CYP19A1: variants seen among roughly 807,000 people sequenced by gnomAD.
CYP19A1 encodes aromatase.
CYP19A1 carries 32 observed loss-of-function variants against 44.4 expected under a neutral mutation model. The ratio of observed to expected loss-of-function variants is 0.72; its 90% CI spans 0.54 to 0.97. The LOEUF is 0.97. CYP19A1 is among the 50% of genes least tolerant of loss of function. The pLI is 0.00. For synonymous variants in CYP19A1, 212 were observed against 215.6 expected (o/e 0.98, Z 0.14); for missense variants, 598 against 637.8 (o/e 0.94, Z 0.67).
At chr15:51,256,568 G>T (rs1025245411) in intron 1 of CYP19A1, among the ~76,000 whole-genome samples, 1 of 152,164 alleles carries the variant, frequency 6.6e-6, no homozygotes, top group Non-Finnish European at 1.5e-5. Context: ...ATAAAATGCT[G>T]TTAAAATGGC....
chr15:51,216,049 A>T lies in CYP19A1; in HGVS notation c.744-232T>A. On this transcript the variant is annotated intron_variant, in intron 6 of 9. Coordinates refer to ENST00000396402, the MANE Select transcript of CYP19A1 (RefSeq NM_000103.4). ...AAGATTTCTGGATACTGGTAGCGAAATCAAGCCTGTGACTTCTAGTTAAGG... is the reference window on the plus strand; with the variant it reads ...AAGATTTCTGGATACTGGTAGCGAATTCAAGCCTGTGACTTCTAGTTAAGG... 6.5e-6 allele frequency: 5 copies of T among 772,042 alleles called. No homozygotes were observed. The South Asian group carries it at 9.7e-5, about 15-fold the overall frequency. 47.8% of individuals were successfully genotyped at this position (772,042 alleles called of 1,614,324 possible). A position where few individuals can be genotyped will look rare whatever the true frequency, so the allele number is the denominator to read the frequency against.
intron 1 of CYP19A1, among the ~76,000 whole-genome samples, chr15:51,300,052 G>A (rs1027965321): frequency 3.9e-5 from 6 of 152,202 alleles, no homozygotes; most frequent in African/African-American, 1.2e-4. Flanking sequence ...AACGGCAACC[G>A]GTAGGCAGGA....
chr15:51,306,050 G>A (rs1388415709), intron 1 of CYP19A1, among the ~76,000 whole-genome samples: 1 of 152,136 alleles, frequency 6.6e-6, no homozygotes, highest in Non-Finnish European at 1.5e-5. Flanking sequence ...ATATAGTCAA[G>A]CAAAGAAAAC....
At chr15:51,278,324 G>A (rs142527789) in intron 1 of CYP19A1, among the ~76,000 whole-genome samples, 7 of 152,306 alleles carry the variant, frequency 4.6e-5, no homozygotes, top group African/African-American at 1.7e-4. Flanking sequence ...AACTGACCAT[G>A]AGGAGGAGAA....
At chr15:51,259,033 T>C (rs2034619851) in intron 1 of CYP19A1, among the ~76,000 whole-genome samples, 1 of 152,136 alleles carries the variant, frequency 6.6e-6, no homozygotes, top group Non-Finnish European at 1.5e-5. Flanking sequence ...TTTAGGCAAA[T>C]CAGGAAATCT....
At chr15:51,214,917 C>A in intron 8 of CYP19A1, 153 bp downstream of exon 8, 1 of 1,200,718 alleles carries the variant, frequency 8.3e-7, no homozygotes, top group Non-Finnish European at 1.1e-6. Context: ...TTCCGTCTAT[C>A]TGGTGTAATC....
chr15:51,326,688 G>A lies in CYP19A1; in HGVS notation c.-39+11807C>T, dbSNP rs547422526. 1.7e-4 allele frequency among the ~76,000 whole-genome samples: 26 copies of A among 152,280 alleles called. No individual in the cohort carries two copies. The South Asian group carries it at 2.9e-3, about 17-fold the overall frequency. On this transcript the variant is annotated intron_variant, in intron 1 of 9. Transcript: ENST00000396402. The stretch of plus-strand genomic sequence containing the variant: ...TGTTCTTTTTTAAATTCATTGGCCA[G>A]TAACATAGAATTTTGAACCTGGAAG...
chr15:51,258,958 G>A (rs951493228), intron 1 of CYP19A1, among the ~76,000 whole-genome samples: 1 of 152,210 alleles, frequency 6.6e-6, no homozygotes, highest in Non-Finnish European at 1.5e-5. Context: ...AAGTGGGAAA[G>A]TCTTAGGAAG....
chr15:51,273,863 C>T (rs141864360), intron 1 of CYP19A1, among the ~76,000 whole-genome samples: 2,031 of 152,154 alleles, frequency 0.013, 17 homozygotes, highest in African/African-American at 0.017. Flanking sequence ...AAAAATTAGC[C>T]GGGCATGGTG....
chr15:51,213,052 C>T (rs1191737735), intron 8 of CYP19A1, among the ~76,000 whole-genome samples: 1 of 152,210 alleles, frequency 6.6e-6, no homozygotes, highest in Non-Finnish European at 1.5e-5. Context: ...GCACCACAAC[C>T]ATCCCAGAGA....
chr15:51,316,380 A>G (rs1043940099), intron 1 of CYP19A1, among the ~76,000 whole-genome samples: 3 of 152,152 alleles, frequency 2.0e-5, no homozygotes, highest in Non-Finnish European at 2.9e-5. Flanking sequence ...GTGAAGAAAA[A>G]TTGGGCTGTT....
intron 1 of CYP19A1, among the ~76,000 whole-genome samples, chr15:51,335,642 C>T (rs1394855701): frequency 6.6e-6 from 1 of 152,164 alleles, no homozygotes; most frequent in African/African-American, 2.4e-5. Context: ...GAAGTTGGCC[C>T]TGGTGGAGGT....
At chr15:51,265,994 C>A (rs1329219544) in intron 1 of CYP19A1, among the ~76,000 whole-genome samples, 1 of 152,248 alleles carries the variant, frequency 6.6e-6, no homozygotes, top group Non-Finnish European at 1.5e-5. Flanking sequence ...CATAGCAAAT[C>A]TAGCTTCCGC....
At chr15:51,294,353 T>C (rs1313928325) in intron 1 of CYP19A1, among the ~76,000 whole-genome samples, 2 of 146,962 alleles carry the variant, frequency 1.4e-5, no homozygotes, top group Non-Finnish European at 3.0e-5. Context: ...GGAGCGCCTC[T>C]GCCCGGCCGC....
At chr15:51,263,764 G>A (rs2034816666) in intron 1 of CYP19A1, among the ~76,000 whole-genome samples, 1 of 152,204 alleles carries the variant, frequency 6.6e-6, no homozygotes, top group Admixed American at 6.5e-5. Context: ...GGAATAAAGG[G>A]GTTGCAAGCA....
At chr15:51,241,407 G>T (rs1238749060) in intron 2 of CYP19A1, among the ~76,000 whole-genome samples, 1 of 152,236 alleles carries the variant, frequency 6.6e-6, no homozygotes, top group African/African-American at 2.4e-5. Flanking sequence ...AAAAGCTTGA[G>T]AACCTGTGGC....
At chr15:51,258,406 G>T (rs113015343) in intron 1 of CYP19A1, among the ~76,000 whole-genome samples, 38 of 152,216 alleles carry the variant, frequency 2.5e-4, no homozygotes, top group African/African-American at 8.7e-4. Context: ...TATATCCTTG[G>T]TGACATTTCT....
At chr15:51,215,852 T>C in intron 6 of CYP19A1, 35 bp from the exon 7 acceptor site, 1 of 1,611,718 alleles carries the variant, frequency 6.2e-7, no homozygotes, top group Non-Finnish European at 8.5e-7. Flanking sequence ...CTATTTTTAC[T>C]CAGTTTAGAC....
chr15:51,315,848 C>G (rs998553207), intron 1 of CYP19A1: 1 of 152,268 alleles, frequency 6.6e-6, no homozygotes, highest in Non-Finnish European at 1.5e-5. Context: ...CAGATGGAAA[C>G]TTGAACTACG....
Sources: gnomAD v4.1 joint callset for allele counts (sites outside exome capture counted in the v4.1 genomes callset) on GRCh38, gnomAD v4.1.1 for gene constraint, MANE v1.5 for transcripts, NCBI Gene and HGNC (gene_info 2026-07-23, HGNC 2026-07-21) for gene names.